The following ANO3 variants were observed in gnomAD, a reference collection of about 807,000 sequenced individuals.
ANO3 encodes anoctamin-3.
A neutral mutation model predicts 144.8 loss-of-function variants in ANO3; 99 were observed. That is an observed-to-expected ratio of 0.68 (90% CI 0.58 to 0.81). The LOEUF (loss-of-function observed/expected upper bound fraction) is 0.81. ANO3 is among the 30% of genes least tolerant of loss of function. The probability of loss-of-function intolerance (pLI) is 0.00; values close to 1 mark genes in which losing one functional copy is unlikely to be tolerated. For missense variants in ANO3, 905 were observed against 1,202.2 expected (o/e 0.75, Z 3.66); for synonymous variants, 414 against 392.6 (o/e 1.05, Z -0.64).
At chr11:26,577,564 C>CAA (rs56856563) in intron 14 of ANO3, among the ~76,000 whole-genome samples, 3 of 129,812 alleles carry the variant, frequency 2.3e-5, no homozygotes, top group African/African-American at 2.9e-5. Context: ...GACTCCGTCT[C>CAA]AAAAAAAAAA....
At position 26,213,797 on chromosome 11, in the gene ANO3, A is replaced by C. The variant is rs11029393; in HGVS notation, c.154+24467A>C. On this transcript the variant is annotated intron_variant, in intron 1 of 27. Coordinates refer to the ANO3 transcript ENST00000672621. ...TACTACTTTAAGTTTTTGACTTTTC[A>C]AGAAAGAGTTAAATGATATATTTTG... is the stretch of plus-strand genomic sequence containing the variant. Among the ~76,000 whole-genome samples, 179 of 152,016 alleles carry C rather than the reference A, an allele frequency of 1.2e-3. 2 individuals carry two copies. The East Asian group carries it at 0.027, about 23-fold the overall frequency.
chr11:26,375,807 A>C (rs917888009), intron 1 of ANO3, among the ~76,000 whole-genome samples: 2 of 152,184 alleles, frequency 1.3e-5, no homozygotes, highest in Admixed American at 6.6e-5. Context: ...TGGCTAGAGA[A>C]GATAATATCA....
chr11:26,405,045 A>G (rs1392017319), intron 1 of ANO3, among the ~76,000 whole-genome samples: 2 of 151,130 alleles, frequency 1.3e-5, no homozygotes, highest in Non-Finnish European at 1.5e-5. Flanking sequence ...TATGGTAGCC[A>G]TTATATGGTA....
chr11:26,461,881 C>T (rs1859409049), intron 3 of ANO3, among the ~76,000 whole-genome samples: 1 of 151,972 alleles, frequency 6.6e-6, no homozygotes, highest in Non-Finnish European at 1.5e-5. Flanking sequence ...TAGCTTATTG[C>T]ATGCACTTAG....
intron 1 of ANO3, among the ~76,000 whole-genome samples, chr11:26,201,762 G>GTTTTTTTTT (rs1255392086): frequency 7.8e-6 from 1 of 128,766 alleles, no homozygotes. Flanking sequence ...AGGAAGTTTT[G>GTTTTTTTTT]TTTTTTTTTT....
chr11:26,607,976 C>T (rs551485281), intron 17 of ANO3, among the ~76,000 whole-genome samples: 2 of 152,294 alleles, frequency 1.3e-5, no homozygotes, highest in South Asian at 2.1e-4. Context: ...GTGCCCTTGC[C>T]GGAGAGGCGT....
intron 16 of ANO3, among the ~76,000 whole-genome samples, chr11:26,599,310 G>T (rs1024785493): frequency 6.6e-6 from 1 of 152,170 alleles, no homozygotes; most frequent in African/African-American, 2.4e-5. Flanking sequence ...TTAAGAGGAC[G>T]TTGGGAAGAA....
chr11:26,401,371 G>C (rs767169858), intron 1 of ANO3, among the ~76,000 whole-genome samples: 12 of 152,042 alleles, frequency 7.9e-5, no homozygotes, highest in Middle Eastern at 3.2e-3. Context: ...GCAACTGTGA[G>C]AATGCTCCTG....
At position 26,599,014 on chromosome 11, in the gene ANO3, C is replaced by T. The variant is rs371517685; in HGVS notation, c.1671+16C>T. On this transcript the variant is annotated intron_variant, in intron 16 of 26. Coordinates refer to ENST00000256737, the MANE Select transcript of ANO3 (RefSeq NM_031418.4). The stretch of plus-strand genomic sequence containing the variant: ...ATTCTTCATGGTAAAGTATAGGCAT[C>T]GATATCAAAATGTTTTGGGATTCTA... The T allele has an allele frequency of 4.5e-5, 72 of 1,608,968 alleles. No individual in the cohort carries two copies. Among genetic ancestry groups the T allele is most frequent in the South Asian group, 1.9e-4 (17 of 89,738 alleles).
intron 24 of ANO3, among the ~76,000 whole-genome samples, chr11:26,648,505 G>T (rs1483183349): frequency 6.6e-6 from 1 of 152,010 alleles, no homozygotes; most frequent in Non-Finnish European, 1.5e-5. Flanking sequence ...CAGCACCCTT[G>T]GTCACCACCC....
In ANO3 at chr11:26,607,736, A is replaced by G. The variant is rs190829103; in HGVS notation, c.1836+8022A>G. Reference sequence around the variant, plus strand: ...TCACTTGGTCGATTCAGCTATTGATACTTGTGTATGCTTTATGAAGTTCTT... The same window carrying G: ...TCACTTGGTCGATTCAGCTATTGATGCTTGTGTATGCTTTATGAAGTTCTT... On this transcript the variant is annotated intron_variant, in intron 17 of 26. Coordinates refer to ENST00000256737, the MANE Select transcript of ANO3 (RefSeq NM_031418.4). Among the ~76,000 whole-genome samples, 9 of 152,250 alleles carry G rather than the reference A, an allele frequency of 5.9e-5. 1 individual carries two copies. The highest frequency in any genetic ancestry group is 5.9e-4 in the Admixed American group (9 of 15,290).
intron 1 of ANO3, among the ~76,000 whole-genome samples, chr11:26,318,809 A>G (rs1854688476): frequency 6.6e-6 from 1 of 152,232 alleles, no homozygotes; most frequent in Non-Finnish European, 1.5e-5. Flanking sequence ...GAGGGTTCCT[A>G]CTGAGGAATA....
chr11:26,348,904 C>T (rs924000149), intron 1 of ANO3, among the ~76,000 whole-genome samples: 6 of 152,170 alleles, frequency 3.9e-5, no homozygotes, highest in African/African-American at 1.4e-4. Context: ...AAAGAAGAAC[C>T]CTTGCCTAAG....
intron 1 of ANO3, among the ~76,000 whole-genome samples, chr11:26,245,603 T>C (rs1329173242): frequency 1.3e-5 from 2 of 152,234 alleles, no homozygotes; most frequent in Non-Finnish European, 2.9e-5. Context: ...ATATTGCATA[T>C]GGTTGTATAG....
chr11:26,496,652 C>T (rs546278133), intron 4 of ANO3, among the ~76,000 whole-genome samples: 13 of 152,048 alleles, frequency 8.5e-5, no homozygotes, highest in Non-Finnish European at 1.3e-4. Flanking sequence ...TACATCGTAC[C>T]TATTAGGTAA....
intron 11 of ANO3, among the ~76,000 whole-genome samples, chr11:26,543,220 T>A (rs1397818367): frequency 6.6e-6 from 1 of 152,042 alleles, no homozygotes; most frequent in East Asian, 1.9e-4. Flanking sequence ...GGCCAAACCA[T>A]GGCCCAAGAA....
intron 17 of ANO3, among the ~76,000 whole-genome samples, chr11:26,618,356 C>T (rs1324973917): frequency 2.0e-5 from 3 of 152,108 alleles, no homozygotes; most frequent in African/African-American, 7.2e-5. Flanking sequence ...GCTTCTGTAA[C>T]ATTTTTATTA....
chr11:26,492,310 C>T (rs946168844), intron 4 of ANO3, among the ~76,000 whole-genome samples: 1 of 152,136 alleles, frequency 6.6e-6, no homozygotes, highest in African/African-American at 2.4e-5. Context: ...ATGGTGATGG[C>T]ACAATCTGAT....
intron 1 of ANO3, among the ~76,000 whole-genome samples, chr11:26,247,979 C>T (rs2133817119): frequency 6.6e-6 from 1 of 152,024 alleles, no homozygotes; most frequent in Admixed American, 6.5e-5. Context: ...GATCCGCCCG[C>T]CTCGGCCTCC....
Sources: allele counts gnomAD v4.1 joint callset (sites outside exome capture counted in the v4.1 genomes callset), GRCh38; gene constraint gnomAD v4.1.1; transcripts MANE v1.5; gene names NCBI Gene and HGNC (gene_info 2026-07-23, HGNC 2026-07-21).